Variants in WDFY4 observed in about 807,000 individuals in gnomAD.
The protein encoded by WDFY4 is WDFY family member 4.
WDFY4 carries 169 observed loss-of-function variants against 351.9 expected under a neutral mutation model. The observed-to-expected ratio is 0.48, with a 90% CI of 0.42 to 0.55. The LOEUF (loss-of-function observed/expected upper bound fraction) is 0.55, where lower values mean the gene tolerates loss of function less well. Ranked by LOEUF, WDFY4 falls within the 20% of genes least tolerant of loss-of-function variation. WDFY4 has a pLI of 0.00. For missense variants in WDFY4, 3,803 were observed against 3,935.6 expected (o/e 0.97, Z 0.90); for synonymous variants, 1,622 against 1,574.6 (o/e 1.03, Z -0.71).
intron 51 of WDFY4, among the ~76,000 whole-genome samples, chr10:48,953,931 T>C (rs1841464141): frequency 6.6e-6 from 1 of 152,130 alleles, no homozygotes; most frequent in Admixed American, 6.5e-5. Context: ...ATGAAAGGAG[T>C]ATTTCCTTTA....
intron 4 of WDFY4, among the ~76,000 whole-genome samples, chr10:48,721,750 C>T (rs1296950850): frequency 6.6e-6 from 1 of 152,142 alleles, no homozygotes; most frequent in Non-Finnish European, 1.5e-5. Context: ...AGTTAATCCT[C>T]CCAAGGACCC....
chr10:48,829,044 C>T (rs1007986056), intron 37 of WDFY4, 148 bp downstream of exon 37: 12 of 572,038 alleles, frequency 2.1e-5, no homozygotes, highest in Non-Finnish European at 3.3e-5. Flanking sequence ...TTTCAAAAAG[C>T]CAGAAGACTT....
chr10:48,727,746 G>T, intron 7 of WDFY4, 87 bp downstream of exon 7: 15 of 1,464,292 alleles, frequency 1.0e-5, no homozygotes, highest in Non-Finnish European at 1.3e-5. Context: ...CAGAAAAATA[G>T]ATATAGCTCC....
chr10:48,826,528 A>T (rs1288501151), intron 35 of WDFY4, 143 bp from the exon 36 acceptor site: 2 of 631,104 alleles, frequency 3.2e-6, no homozygotes, highest in South Asian at 2.0e-5. Flanking sequence ...GTTTAATGGG[A>T]ATAGCATTGA....
At position 48,963,899 on chromosome 10, in the gene WDFY4, G is replaced by C. The variant is rs776114747; in HGVS notation, c.8281G>C (p.Gly2761Arg). ...CCACCATTGGATAGACCTTATTTTTGGGTACAAGCAGCAGGGGCCAGCCGC... is the reference window on the plus strand; with the variant it reads ...CCACCATTGGATAGACCTTATTTTTCGGTACAAGCAGCAGGGGCCAGCCGC... ...NLHHWIDLIF[G>R]YKQQGPAAVD... Residue 2761 changes from glycine to arginine, a missense_variant, in exon 54 of 62, where the codon GGG (glycine) becomes CGG (arginine). Around this residue, in one of 3 missense-constraint regions of WDFY4, gnomAD observed 3,054 missense variants for 3,148.6 expected, o/e 0.97. Coordinates refer to ENST00000325239, the MANE Select transcript of WDFY4 (RefSeq NM_001394531.1). The C allele has an allele frequency of 9.0e-6, 14 of 1,551,378 alleles. No individual in the cohort carries two copies. Among genetic ancestry groups the C allele is most frequent in the Non-Finnish European group, 8.7e-7 (1 of 1,146,990 alleles).
intron 52 of WDFY4, among the ~76,000 whole-genome samples, chr10:48,958,516 C>T (rs1428844255): frequency 6.6e-6 from 1 of 152,156 alleles, no homozygotes; most frequent in Non-Finnish European, 1.5e-5. Flanking sequence ...AATGATGGCT[C>T]CTACCAGCAA....
At chr10:48,901,962 T>C in intron 47 of WDFY4, 99 bp downstream of exon 47, 1 of 1,093,364 alleles carries the variant, frequency 9.1e-7, no homozygotes, top group Non-Finnish European at 1.4e-6. Flanking sequence ...GCAGAGAGCA[T>C]GCCCAACAGT....
At chr10:48,982,142 G>A (rs1311710802) in intron 61 of WDFY4, among the ~76,000 whole-genome samples, 1 of 152,320 alleles carries the variant, frequency 6.6e-6, no homozygotes, top group African/African-American at 2.4e-5. Flanking sequence ...ATGATGGTAG[G>A]GCCAGAGCCG....
chr10:48,691,838 A>G (rs573674077), intron 1 of WDFY4, among the ~76,000 whole-genome samples: 1 of 152,338 alleles, frequency 6.6e-6, no homozygotes, highest in Non-Finnish European at 1.5e-5. Context: ...AGTAACGTTA[A>G]AACACGCTGT....
At chr10:48,930,446 T>C (rs1354438410) in intron 47 of WDFY4, among the ~76,000 whole-genome samples, 1 of 152,140 alleles carries the variant, frequency 6.6e-6, no homozygotes, top group Non-Finnish European at 1.5e-5. Flanking sequence ...AAGTGCACTA[T>C]GGGGCTGGAG....
rs996278469 is a variant in WDFY4 at position 48,776,879 on chromosome 10, C to T, written c.2993C>T (p.Thr998Met). 31 of 1,551,876 alleles carry T rather than the reference C, an allele frequency of 2.0e-5. No individual in the cohort carries two copies. Among genetic ancestry groups the T allele is most frequent in the Admixed American group, 7.8e-5 (4 of 50,994 alleles). Residue 998 changes from threonine to methionine, a missense_variant, in exon 16 of 62, where the codon ACG becomes ATG. Thr to Met is a moderately conservative substitution (Grantham distance 81). Around this residue, in one of 3 missense-constraint regions of WDFY4, gnomAD observed 3,054 missense variants for 3,148.6 expected, o/e 0.97. Coordinates refer to ENST00000325239, the MANE Select transcript of WDFY4 (RefSeq NM_001394531.1). Reference protein sequence around the residue: ...ESQDSTTALQTALSLISMTSP... With the variant: ...ESQDSTTALQMALSLISMTSP... ...CAGGATTCAACTACTGCTCTTCAGA[C>T]GGCGCTGAGCCTCATCTCCATGACC...
chr10:48,961,258 G>A (rs1034008839), intron 53 of WDFY4, among the ~76,000 whole-genome samples: 3 of 152,208 alleles, frequency 2.0e-5, no homozygotes, highest in Non-Finnish European at 4.4e-5. Context: ...GGCCAGAGAT[G>A]AATGTAACTG....
chr10:48,905,397 A>G (rs945635465), intron 47 of WDFY4, among the ~76,000 whole-genome samples: 1 of 152,132 alleles, frequency 6.6e-6, no homozygotes, highest in Admixed American at 6.5e-5. Context: ...ATTACTCCTT[A>G]CTCATCCCCA....
intron 13 of WDFY4, among the ~76,000 whole-genome samples, chr10:48,763,896 C>T (rs2065588463): frequency 6.6e-6 from 1 of 152,154 alleles, no homozygotes; most frequent in Non-Finnish European, 1.5e-5. Flanking sequence ...CTCACAACAA[C>T]AGATAGAATA....
chr10:48,701,098 C>T (rs919453749), intron 1 of WDFY4, among the ~76,000 whole-genome samples: 11 of 152,206 alleles, frequency 7.2e-5, no homozygotes, highest in African/African-American at 2.7e-4. Context: ...CCCCTCTCCC[C>T]AGTCTCTGGG....
At chr10:48,699,142 G>C (rs1477507378) in intron 1 of WDFY4, among the ~76,000 whole-genome samples, 1 of 152,250 alleles carries the variant, frequency 6.6e-6, no homozygotes, top group East Asian at 1.9e-4. Context: ...TGGGAGGTGA[G>C]GAGAGGGAAG....
intron 1 of WDFY4, among the ~76,000 whole-genome samples, chr10:48,707,549 A>T (rs1442555054): frequency 6.6e-6 from 1 of 152,182 alleles, no homozygotes; most frequent in Non-Finnish European, 1.5e-5. Flanking sequence ...CAAGTAAAAT[A>T]GGCATGTGAT....
rs368480181 is a variant in WDFY4, at chr10:48,877,155, C to T, written c.7123C>T (p.Arg2375Trp). ...LHSEDFLELC[R>W]ERQVILQELL... ...CTCAGAAGACTTCTTGGAACTGTGT[C>T]GGGAAAGACAAGTTATTTTACAAGA... is the stretch of plus-strand genomic sequence containing the variant. The change falls in exon 43 of 62, where the codon CGG (arginine) becomes TGG (tryptophan). Residue 2375 changes from arginine (R) to tryptophan (W), a missense_variant. Physicochemically the swap from Arg to Trp is moderately radical, Grantham distance 101 (BLOSUM62 -3). Around this residue, in one of 3 missense-constraint regions of WDFY4, gnomAD observed 3,054 missense variants for 3,148.6 expected, o/e 0.97. Transcript: ENST00000325239. The T allele has an allele frequency of 8.2e-5, 127 of 1,551,496 alleles. No homozygotes were observed. In the South Asian group the frequency reaches 1.1e-3, roughly 13 times the overall value.
At chr10:48,907,692 A>G (rs1266240159) in intron 47 of WDFY4, among the ~76,000 whole-genome samples, 1 of 152,146 alleles carries the variant, frequency 6.6e-6, no homozygotes, top group Non-Finnish European at 1.5e-5. Flanking sequence ...TCCCCTTCCT[A>G]GCATTTCTCC....
Sources: gnomAD v4.1 joint callset for allele counts (sites outside exome capture counted in the v4.1 genomes callset) on GRCh38, gnomAD v4.1.1 for gene constraint, gnomAD v4.1.1 regional missense constraint, MANE v1.5 for transcripts, NCBI Gene and HGNC (gene_info 2026-07-23, HGNC 2026-07-21) for gene names.